Variants in FIP1L1 observed in about 807,000 individuals in gnomAD.
FIP1L1 encodes the protein factor interacting with PAPOLA and CPSF1.
In FIP1L1, 21 loss-of-function variants were observed where a neutral mutation model predicts 84.6. The observed-to-expected ratio is 0.25, with a 90% CI of 0.18 to 0.36. FIP1L1 has a LOEUF of 0.36. Ranked by LOEUF, FIP1L1 falls within the 10% of genes least tolerant of loss-of-function variation. The pLI is 1.00. For missense variants in FIP1L1, 526 were observed against 751.1 expected, an observed-to-expected ratio of 0.70 and a Z score of 3.50; for synonymous variants, 263 against 242.3, an observed-to-expected ratio of 1.09 and a Z score of -0.80.
chr4:53,440,584 A>G, intron 13 of FIP1L1: 13 of 1,512,864 alleles, frequency 8.6e-6, no homozygotes, highest in Non-Finnish European at 1.0e-5. Context: ...TTTTTTAGGT[A>G]TTCCAATAAC....
intron 13 of FIP1L1, among the ~76,000 whole-genome samples, chr4:53,433,189 G>A (rs143541081): frequency 1.3e-5 from 2 of 152,098 alleles, no homozygotes; most frequent in East Asian, 1.9e-4. Flanking sequence ...TAGTTCATTG[G>A]CATTAAATAC....
chr4:53,413,092 A>G (rs1307227280), intron 10 of FIP1L1, among the ~76,000 whole-genome samples: 1 of 151,632 alleles, frequency 6.6e-6, no homozygotes, highest in African/African-American at 2.4e-5. Flanking sequence ...ACTGTAATTC[A>G]TTTTGATGTG....
intron 3 of FIP1L1, among the ~76,000 whole-genome samples, chr4:53,382,035 C>T (rs1260516398): frequency 6.6e-6 from 1 of 151,812 alleles, no homozygotes. Context: ...TCTCAAAGTG[C>T]TGGGATTACA....
Position 53,452,980 on chromosome 4 carries a change from A to G in FIP1L1, c.1346A>G (p.Lys449Arg). ...PSWPSLVDTSKQWDYYARREK... is the reference protein window; with the variant it reads ...PSWPSLVDTSRQWDYYARREK... ...TGGCCTAGTCTTGTGGACACCAGCAAGCAGTGGGACTATTATGCCAGAAGA... is the reference window on the plus strand; with the variant it reads ...TGGCCTAGTCTTGTGGACACCAGCAGGCAGTGGGACTATTATGCCAGAAGA... Residue 449 changes from lysine to arginine, a missense_variant, in exon 16 of 18, where the codon AAG becomes AGG. Physicochemically the swap from Lys to Arg is conservative, Grantham distance 26. This residue lies in a region of FIP1L1 where 83 missense variants were observed against 93.8 expected (regional missense o/e 0.88). Transcript: ENST00000337488. 5 of 1,613,702 alleles carry G rather than the reference A, an allele frequency of 3.1e-6. No individual in the cohort carries two copies. The highest frequency in any genetic ancestry group is 4.2e-6 in the Non-Finnish European group (5 of 1,179,998).
intron 3 of FIP1L1, among the ~76,000 whole-genome samples, chr4:53,381,753 C>CTTTTTTTTCTTTTTTTTTTT (rs1738060942): frequency 1.1e-5 from 1 of 87,948 alleles, no homozygotes; most frequent in African/African-American, 5.6e-5. Flanking sequence ...CATTTGCATT[C>CTTTTTTTTCTTTTTTTTTTT]TTTTTTTTTT....
At chr4:53,382,552 T>C (rs187844514) in intron 4 of FIP1L1, among the ~76,000 whole-genome samples, 1 of 152,358 alleles carries the variant, frequency 6.6e-6, no homozygotes, top group Non-Finnish European at 1.5e-5. Flanking sequence ...GAAAATAGTA[T>C]GTGCAAAGGC....
In FIP1L1 at chr4:53,391,078, A is replaced by G. The variant is rs1038763614; in HGVS notation, c.575A>G (p.Gln192Arg). ...EDTWKAYCEKQKRIRMGLEVI... is the reference protein window; with the variant it reads ...EDTWKAYCEKRKRIRMGLEVI... ...ACCTGGAAAGCTTACTGTGAAAAAC[A>G]AAAGAGGATACGAATGGGACTTGAA... Residue 192 changes from glutamine to arginine, a missense_variant, in exon 8 of 18, where the codon CAA becomes CGA. Physicochemically the swap from Gln to Arg is conservative, Grantham distance 43. Around this residue, in one of 6 missense-constraint regions of FIP1L1, gnomAD observed 169 missense variants for 206.9 expected, o/e 0.82. Transcript: ENST00000337488. 5 of 1,611,816 alleles carry G rather than the reference A, an allele frequency of 3.1e-6. No homozygotes were observed. Among genetic ancestry groups the G allele is most frequent in the Non-Finnish European group, 2.5e-6 (3 of 1,178,978 alleles).
At chr4:53,411,946 CT>C (rs952949346) in intron 10 of FIP1L1, among the ~76,000 whole-genome samples, 3 of 151,968 alleles carry the variant, frequency 2.0e-5, no homozygotes, top group Non-Finnish European at 2.9e-5. Flanking sequence ...GCTAAACATA[CT>C]TTTGTAAACC....
intron 13 of FIP1L1, among the ~76,000 whole-genome samples, chr4:53,430,557 G>A (rs1234367949): frequency 5.9e-5 from 9 of 151,696 alleles, no homozygotes; most frequent in Admixed American, 5.2e-4. Flanking sequence ...GGCTGGTCTT[G>A]AACTCCTGAC....
intron 15 of FIP1L1, among the ~76,000 whole-genome samples, chr4:53,448,830 G>A (rs1775252399): frequency 6.6e-6 from 1 of 152,104 alleles, no homozygotes; most frequent in African/African-American, 2.4e-5. Context: ...AACTGCTATA[G>A]TTATCTCCAT....
chr4:53,427,263 T>C, intron 12 of FIP1L1, among the ~76,000 whole-genome samples: 1 of 152,208 alleles, frequency 6.6e-6, no homozygotes, highest in South Asian at 2.1e-4. Context: ...AAATTAAATA[T>C]ACAACATTAT....
In FIP1L1 at chr4:53,394,497, C is replaced by T. The variant is rs1035876070; in HGVS notation, c.705+2999C>T. Among the ~76,000 whole-genome samples the T allele has an allele frequency of 1.7e-4, 26 of 152,030 alleles. 3 individuals carry two copies. Among genetic ancestry groups the T allele is most frequent in the Admixed American group, 1.4e-3 (22 of 15,258 alleles). On this transcript the variant is annotated intron_variant, in intron 9 of 17. Transcript: ENST00000337488. ...CAGATAAGGTATTCCAGTATTCTAT[C>T]TAGAGGGTATATACTTGGCTGATGC...
intron 10 of FIP1L1, among the ~76,000 whole-genome samples, chr4:53,404,339 CTCA>C (rs1252033063): frequency 6.6e-6 from 1 of 151,820 alleles, no homozygotes; most frequent in African/African-American, 2.4e-5. Context: ...AGGACATGAA[CTCA>C]TCATTTTTTT....
At chr4:53,411,329 A>T (rs1028284513) in intron 10 of FIP1L1, among the ~76,000 whole-genome samples, 12 of 152,194 alleles carry the variant, frequency 7.9e-5, no homozygotes, top group African/African-American at 2.9e-4. Flanking sequence ...AATAATTACC[A>T]CTGCTACCTA....
intron 3 of FIP1L1, among the ~76,000 whole-genome samples, chr4:53,379,675 G>C (rs1736745783): frequency 6.6e-6 from 1 of 152,186 alleles, no homozygotes; most frequent in Non-Finnish European, 1.5e-5. Flanking sequence ...TATAATGGCA[G>C]TTTGGTTGTA....
intron 16 of FIP1L1, 156 bp from the exon 17 acceptor site, chr4:53,458,497 T>C (rs1470160110): frequency 6.9e-6 from 4 of 582,178 alleles, no homozygotes; most frequent in Non-Finnish European, 1.1e-5. Flanking sequence ...ATTATTTTCC[T>C]CTCAATTCAA....
intron 11 of FIP1L1, among the ~76,000 whole-genome samples, chr4:53,422,958 C>T (rs573735314): frequency 1.8e-4 from 27 of 152,196 alleles, no homozygotes; most frequent in African/African-American, 6.0e-4. Context: ...TTAAGTAATC[C>T]TCCCGCCTCA....
chr4:53,434,970 T>G (rs1768446067), intron 13 of FIP1L1, among the ~76,000 whole-genome samples: 1 of 152,208 alleles, frequency 6.6e-6, no homozygotes. Flanking sequence ...ATAATGTTTA[T>G]TAAGCTAATT....
chr4:53,413,525 CT>C (rs71662222), intron 10 of FIP1L1, among the ~76,000 whole-genome samples: 4,367 of 151,934 alleles, frequency 0.029, 98 homozygotes, highest in Non-Finnish European at 0.047. Flanking sequence ...ATTGCATCTC[CT>C]TTTTTTTCCA....
Sources: gnomAD v4.1 joint callset for allele counts (sites outside exome capture counted in the v4.1 genomes callset) on GRCh38, gnomAD v4.1.1 for gene constraint, gnomAD v4.1.1 regional missense constraint, MANE v1.5 for transcripts, NCBI Gene and HGNC (gene_info 2026-07-23, HGNC 2026-07-21) for gene names.